The following CSMD2 variants were observed in gnomAD, a reference collection of about 807,000 sequenced individuals.
The protein encoded by CSMD2 is CUB and Sushi multiple domains 2.
Under a neutral mutation model 398.5 loss-of-function variants are expected in CSMD2, and 130 were observed. The ratio of observed to expected loss-of-function variants is 0.33; its 90% confidence interval spans 0.28 to 0.38. The LOEUF is 0.38. Ranked by LOEUF, CSMD2 falls within the 10% of genes least tolerant of loss-of-function variation. CSMD2 has a pLI of 1.00. For synonymous variants in CSMD2, 1,828 were observed against 1,908.5 expected, an observed-to-expected ratio of 0.96 and a Z score of 1.10; for missense variants, 3,829 against 4,764.9, an observed-to-expected ratio of 0.80 and a Z score of 5.78.
intron 3 of CSMD2, among the ~76,000 whole-genome samples, chr1:33,942,955 T>C (rs1439488907): frequency 1.3e-5 from 2 of 152,220 alleles, no homozygotes; most frequent in Non-Finnish European, 2.9e-5. Context: ...TGCCCAACTC[T>C]GATCTTCTCA....
chr1:33,977,890 T>C (rs1186952094), intron 3 of CSMD2, among the ~76,000 whole-genome samples: 1 of 152,098 alleles, frequency 6.6e-6, no homozygotes. Flanking sequence ...ACAGCTTCTA[T>C]AAACTACTGA....
In CSMD2 at chr1:34,027,311, T is replaced by C. The variant is rs149013815; in HGVS notation, c.517+5283A>G. Among the ~76,000 whole-genome samples the C allele has an allele frequency of 4.6e-3, 696 of 152,288 alleles. 6 individuals are homozygous for C. The highest frequency in any genetic ancestry group is 0.027 in the South Asian group (132 of 4,818). ...TACCTACAATCAAAGAGATGCCAAT[T>C]ATCGCAACAAATGGGATGTCATTTT... On this transcript the variant is annotated intron_variant, in intron 3 of 70. Coordinates refer to ENST00000373381, the MANE Select transcript of CSMD2 (RefSeq NM_001281956.2).
At chr1:33,739,667 G>T (rs953874364) in intron 14 of CSMD2, among the ~76,000 whole-genome samples, 3 of 152,130 alleles carry the variant, frequency 2.0e-5, no homozygotes, top group African/African-American at 7.2e-5. Flanking sequence ...TACAAATGAG[G>T]AAACTGAGGC....
At chr1:33,677,358 A>G (rs1218042094) in intron 25 of CSMD2, among the ~76,000 whole-genome samples, 2 of 152,374 alleles carry the variant, frequency 1.3e-5, no homozygotes, top group Admixed American at 6.5e-5. Context: ...ACACATGAAA[A>G]AATGCTCATC....
chr1:33,836,566 G>A (rs1357638181), intron 6 of CSMD2, among the ~76,000 whole-genome samples: 1 of 152,188 alleles, frequency 6.6e-6, no homozygotes, highest in African/African-American at 2.4e-5. Context: ...GCAATGGTGG[G>A]CACCCCTCCC....
intron 5 of CSMD2, among the ~76,000 whole-genome samples, chr1:33,914,387 T>A (rs1443512045): frequency 8.0e-6 from 1 of 124,266 alleles, no homozygotes; most frequent in Non-Finnish European, 1.9e-5. Flanking sequence ...GATTTGGCAG[T>A]GTGTGTGTGT....
chr1:33,720,592 C>G (rs1646327819), intron 19 of CSMD2, among the ~76,000 whole-genome samples: 1 of 152,182 alleles, frequency 6.6e-6, no homozygotes. Context: ...CTGGCAAGTT[C>G]CAGAAACTGA....
At chr1:33,759,320 T>TTTTTC (rs200516342) in intron 13 of CSMD2, among the ~76,000 whole-genome samples, 2 of 136,468 alleles carry the variant, frequency 1.5e-5, no homozygotes, top group African/African-American at 5.8e-5. Flanking sequence ...TTTTCTTTTT[T>TTTTTC]TTTCTTTTTT....
chr1:34,084,466 T>C (rs1345733231), intron 2 of CSMD2, among the ~76,000 whole-genome samples: 2 of 152,184 alleles, frequency 1.3e-5, no homozygotes, highest in African/African-American at 4.8e-5. Flanking sequence ...GAGAAAAATT[T>C]TGCAACCTAC....
intron 14 of CSMD2, among the ~76,000 whole-genome samples, chr1:33,741,996 G>C (rs1471775755): frequency 6.6e-6 from 1 of 152,212 alleles, no homozygotes; most frequent in Non-Finnish European, 1.5e-5. Context: ...ACCAGGCCCT[G>C]TGCGGGGCCA....
chr1:34,027,539 T>C (rs974977597), intron 3 of CSMD2, among the ~76,000 whole-genome samples: 1 of 152,176 alleles, frequency 6.6e-6, no homozygotes, highest in African/African-American at 2.4e-5. Context: ...AGAAGATAAT[T>C]AGATGAGGGC....
At position 33,515,433 on chromosome 1, in the gene CSMD2, C is replaced by T. The variant is rs1653678304; in HGVS notation, c.*1191G>A. 6.6e-6 allele frequency: 1 copy of T among 152,250 alleles called. No homozygotes were observed. The highest frequency in any genetic ancestry group is 2.4e-5 in the African/African-American group (1 of 41,448). 9.4% of individuals were successfully genotyped at this position (152,250 alleles called of 1,614,324 possible). On this transcript the variant is annotated 3_prime_UTR_variant, in exon 71 of 71. Transcript: ENST00000373381. ...TACTGTAGAGATTCATCGGCTCCTC[C>T]CTTCTTAGCTGCCCCTTCTAGAACA...
Position 33,583,751 on chromosome 1 carries a change from C to G in CSMD2, c.7131G>C (p.Gln2377His). ...LSQSYPGSYPQFQTCSWLVRV... is the reference protein window; with the variant it reads ...LSQSYPGSYPHFQTCSWLVRV... The stretch of plus-strand genomic sequence containing the variant: ...TCACCAGCCAAGAGCAGGTCTGGAA[C>G]TGGGGATAGCTTCCAGGGTAGCTCT... The change falls in exon 47 of 71, where the codon CAG becomes CAC. Residue 2377 changes from glutamine (Q) to histidine (H), a missense_variant. Physicochemically the swap from Gln to His is conservative, Grantham distance 24. Coordinates refer to ENST00000373381, the MANE Select transcript of CSMD2 (RefSeq NM_001281956.2). The G allele has an allele frequency of 1.2e-6, 2 of 1,614,202 alleles. No individual in the cohort carries two copies. The highest frequency in any genetic ancestry group is 1.7e-6 in the Non-Finnish European group (2 of 1,180,028).
intron 2 of CSMD2, among the ~76,000 whole-genome samples, chr1:34,071,112 G>A (rs1224804362): frequency 6.6e-6 from 1 of 152,222 alleles, no homozygotes; most frequent in Non-Finnish European, 1.5e-5. Context: ...GAAGGACAAA[G>A]GTGGCAGTGA....
At chr1:33,807,925 G>T (rs1483103845) in intron 10 of CSMD2, among the ~76,000 whole-genome samples, 1 of 152,038 alleles carries the variant, frequency 6.6e-6, no homozygotes, top group East Asian at 1.9e-4. Flanking sequence ...AACAGTAAGA[G>T]AATAGAAAAT....
Position 33,810,845 on chromosome 1 carries a change from G to T in CSMD2, c.1344C>A (p.His448Gln). ...PVCRARMCDA[H>Q]LRGPSGIITS... Reference sequence around the variant, plus strand: ...TGATGATGCCCGAGGGGCCTCGAAGGTGGGCATCACACATGCGGGCTGCAG... The same window carrying T: ...TGATGATGCCCGAGGGGCCTCGAAGTTGGGCATCACACATGCGGGCTGCAG... Residue 448 changes from histidine to glutamine, a missense_variant, in exon 10 of 71, where the codon CAC becomes CAA. Physicochemically the swap from His to Gln is conservative, Grantham distance 24. This residue lies in a region of CSMD2 where 2,001 missense variants were observed against 2,567.1 expected (regional missense o/e 0.78). Transcript: ENST00000373381. 2 of 1,612,512 alleles carry T rather than the reference G, an allele frequency of 1.2e-6. No individual in the cohort carries two copies. The highest frequency in any genetic ancestry group is 8.5e-7 in the Non-Finnish European group (1 of 1,179,344).
At chr1:33,954,248 C>T (rs1301148688) in intron 3 of CSMD2, among the ~76,000 whole-genome samples, 2 of 152,068 alleles carry the variant, frequency 1.3e-5, no homozygotes, top group Non-Finnish European at 2.9e-5. Flanking sequence ...TGCCCTAGGT[C>T]GTAAACCTTG....
chr1:34,142,827 C>T (rs1182213748), intron 1 of CSMD2, among the ~76,000 whole-genome samples: 1 of 152,130 alleles, frequency 6.6e-6, no homozygotes, highest in East Asian at 1.9e-4. Context: ...ATACAAAATG[C>T]TTGGCACAGA....
intron 3 of CSMD2, among the ~76,000 whole-genome samples, chr1:33,953,007 G>T (rs1029914607): frequency 6.6e-6 from 1 of 152,074 alleles, no homozygotes; most frequent in Non-Finnish European, 1.5e-5. Flanking sequence ...GGCTGCACGT[G>T]GCAAAAAAAG....
Sources: allele counts gnomAD v4.1 joint callset (sites outside exome capture counted in the v4.1 genomes callset), GRCh38; gene constraint gnomAD v4.1.1; regional missense constraint gnomAD v4.1.1; transcripts MANE v1.5; gene names NCBI Gene and HGNC (gene_info 2026-07-23, HGNC 2026-07-21).